Variants in AZIN2 observed in about 807,000 individuals in gnomAD.
AZIN2 encodes the protein antizyme inhibitor 2.
A neutral mutation model predicts 47.8 loss-of-function variants in AZIN2; 28 were observed. The observed-to-expected ratio is 0.59, with a 90% CI of 0.43 to 0.80. The LOEUF (loss-of-function observed/expected upper bound fraction) is 0.80, where lower values mean the gene tolerates loss of function less well. Among genes scored for constraint, AZIN2 ranks in the 30% least tolerant of loss-of-function variants. AZIN2 has a pLI of 0.00. For missense variants in AZIN2, 535 were observed against 582.5 expected (o/e 0.92, Z 0.84); for synonymous variants, 221 against 239.4 (o/e 0.92, Z 0.71).
the AZIN2 span, among the ~76,000 whole-genome samples, chr1:33,138,207 G>C: frequency 1.3e-5 from 2 of 152,148 alleles, no homozygotes; most frequent in African/African-American, 4.8e-5. Context: ...CTCAGAATGG[G>C]GGTTAGGAAA....
In AZIN2 at chr1:33,121,171, T is replaced by TA. The variant is rs1644786647; in HGVS notation, c.*990dup. On this transcript the variant is annotated 3_prime_UTR_variant, in exon 12 of 12. Transcript: ENST00000294517. ...CTGTTGAGCAAAGGAGTTCAGATTT[T>TA]AGAGTCCCCCTCAGTGGCTGCAGGG... Among the ~76,000 whole-genome samples, 1 of 152,202 alleles carries TA rather than the reference T, an allele frequency of 6.6e-6. No individual in the cohort carries two copies. Among genetic ancestry groups the TA allele is most frequent in the African/African-American group, 2.4e-5 (1 of 41,454 alleles).
the AZIN2 span, among the ~76,000 whole-genome samples, chr1:33,135,261 C>T: frequency 6.6e-6 from 1 of 152,276 alleles, no homozygotes; most frequent in South Asian, 2.1e-4. Flanking sequence ...GCACTCCTGC[C>T]TGGGTGACAG....
chr1:33,086,700 C>T (rs908860649), intron 5 of AZIN2, among the ~76,000 whole-genome samples: 7 of 152,240 alleles, frequency 4.6e-5, no homozygotes, highest in Non-Finnish European at 1.0e-4. Flanking sequence ...ACCCAGCCAC[C>T]TGCCCGAGGA....
chr1:33,113,543 T>C lies in AZIN2; in HGVS notation c.1030-4359T>C, dbSNP rs1201603057. On this transcript the variant is annotated intron_variant, in intron 10 of 11. Transcript: ENST00000294517. The surrounding 1 kb of genome is among the most constrained non-coding windows in gnomAD (Gnocchi z 4.1). ...TGTATTATGCTTTTTTGTTTCTTTT[T>C]TTCTGATAGCTATTGCTAGCATTTC... 2.0e-5 allele frequency among the ~76,000 whole-genome samples: 3 copies of C among 152,246 alleles called. No individual in the cohort carries two copies. Among genetic ancestry groups the C allele is most frequent in the Non-Finnish European group, 2.9e-5 (2 of 68,044 alleles).
intron 10 of AZIN2, among the ~76,000 whole-genome samples, chr1:33,099,820 G>A (rs1021226240): frequency 4.6e-5 from 7 of 152,184 alleles, no homozygotes; most frequent in Admixed American, 1.3e-4. Context: ...ACAGCCTGGC[G>A]GTGGAATAAG....
chr1:33,136,646 A>G, the AZIN2 span, among the ~76,000 whole-genome samples: 1 of 151,478 alleles, frequency 6.6e-6, no homozygotes, highest in Non-Finnish European at 1.5e-5. Flanking sequence ...CTGGGATTAC[A>G]GGCCTGAGCC....
the AZIN2 span, among the ~76,000 whole-genome samples, chr1:33,129,788 G>A: frequency 9.8e-5 from 15 of 152,322 alleles, no homozygotes; most frequent in South Asian, 3.1e-3. This position sits in a 1 kb window ranked among gnomAD's most constrained non-coding sequence, Gnocchi z 4.1. Context: ...ACAATAAAGG[G>A]TGATGTTCCG....
intron 9 of AZIN2, 139 bp downstream of exon 9, chr1:33,097,008 C>T (rs1354052535): frequency 3.9e-6 from 4 of 1,032,694 alleles, no homozygotes; most frequent in East Asian, 2.5e-5. Context: ...TTTAGGGAAA[C>T]TTTCAGTCAA....
the AZIN2 span, among the ~76,000 whole-genome samples, chr1:33,161,462 G>A: frequency 1.1e-4 from 16 of 152,140 alleles, no homozygotes; most frequent in African/African-American, 3.9e-4. This position sits in a 1 kb window ranked among gnomAD's most constrained non-coding sequence, Gnocchi z 4.3. Flanking sequence ...AGGGCTCTGT[G>A]GGAGGCTCTA....
intron 7 of AZIN2, among the ~76,000 whole-genome samples, chr1:33,094,267 G>A (rs941884665): frequency 6.6e-5 from 10 of 152,188 alleles, no homozygotes; most frequent in Non-Finnish European, 1.2e-4. Flanking sequence ...CTGACTGGGA[G>A]GCACAGCCAG....
the AZIN2 span, chr1:33,162,785 G>A: frequency 6.6e-6 from 1 of 152,428 alleles, no homozygotes. Flanking sequence ...GAGTCCTACT[G>A]ACCTACCTGG....
chr1:33,154,483 CT>C, the AZIN2 span, among the ~76,000 whole-genome samples: 69 of 150,024 alleles, frequency 4.6e-4, no homozygotes, highest in African/African-American at 1.2e-3. Flanking sequence ...ATCTTTAGAT[CT>C]TTTTTTTTTC....
intron 5 of AZIN2, among the ~76,000 whole-genome samples, chr1:33,086,331 G>T (rs540200361): frequency 9.8e-4 from 149 of 152,314 alleles, no homozygotes; most frequent in African/African-American, 3.3e-3. Flanking sequence ...GTCCTGCTGA[G>T]TTGCCTTGGA....
chr1:33,157,771 T>G, the AZIN2 span, among the ~76,000 whole-genome samples: 4 of 152,000 alleles, frequency 2.6e-5, no homozygotes, highest in African/African-American at 7.3e-5. Context: ...CTTCCTTTTT[T>G]TCCGAGATGG....
intron 5 of AZIN2, among the ~76,000 whole-genome samples, chr1:33,087,157 G>A (rs1002464727): frequency 7.4e-5 from 11 of 149,092 alleles, no homozygotes; most frequent in African/African-American, 2.2e-4. Context: ...TTTTGAGATA[G>A]AGTTTCGCTC....
At position 33,111,744 on chromosome 1, in the gene AZIN2, G is replaced by A. The variant is rs1644298342; in HGVS notation, c.1030-6158G>A. 2.0e-5 allele frequency among the ~76,000 whole-genome samples: 3 copies of A among 151,966 alleles called. No individual in the cohort carries two copies. The South Asian group carries it at 6.2e-4, about 32-fold the overall frequency. On this transcript the variant is annotated intron_variant, in intron 10 of 11. Coordinates refer to ENST00000294517, the MANE Select transcript of AZIN2 (RefSeq NM_052998.4). ...AGCCTCCCAGGTAGCTGGGTTTACA[G>A]GCACACGCCACCGTGCCTGGCTAAT...
intron 10 of AZIN2, among the ~76,000 whole-genome samples, chr1:33,109,415 G>A (rs999685999): frequency 2.7e-5 from 4 of 150,470 alleles, no homozygotes; most frequent in East Asian, 1.9e-4. Flanking sequence ...TGCAACCTTC[G>A]CCTCCCAGGC....
chr1:33,116,666 T>C (rs983685784), intron 10 of AZIN2, among the ~76,000 whole-genome samples: 1 of 152,256 alleles, frequency 6.6e-6, no homozygotes, highest in Admixed American at 6.5e-5. Flanking sequence ...AAGACAGGCC[T>C]GAGCAGATAT....
At chr1:33,108,461 G>A (rs1390928291) in intron 10 of AZIN2, among the ~76,000 whole-genome samples, 1 of 151,402 alleles carries the variant, frequency 6.6e-6, no homozygotes, top group Non-Finnish European at 1.5e-5. Flanking sequence ...TGCTGCCTCA[G>A]CCTCCCGAGT....
Sources: allele counts gnomAD v4.1 joint callset (sites outside exome capture counted in the v4.1 genomes callset), GRCh38; gene constraint gnomAD v4.1.1; non-coding constraint Gnocchi (gnomAD v3.1); transcripts MANE v1.5; gene names NCBI Gene and HGNC (gene_info 2026-07-23, HGNC 2026-07-21).